The following MEGF9 variants were observed in gnomAD, a reference collection of about 807,000 sequenced individuals.
MEGF9 encodes multiple epidermal growth factor-like domains protein 9.
A neutral mutation model predicts 46.8 loss-of-function variants in MEGF9; 6 were observed. That is an observed-to-expected ratio of 0.13 (90% CI 0.07 to 0.25). MEGF9 has a LOEUF of 0.25. Among genes scored for constraint, MEGF9 ranks in the 10% least tolerant of loss-of-function variants. MEGF9 has a pLI of 1.00. For missense variants in MEGF9, 683 were observed against 792.4 expected (o/e 0.86, Z 1.66); for synonymous variants, 302 against 330.7 (o/e 0.91, Z 0.94).
At chr9:120,682,607 G>GA (rs2043803709) in intron 1 of MEGF9, among the ~76,000 whole-genome samples, 1 of 151,920 alleles carries the variant, frequency 6.6e-6, no homozygotes, top group South Asian at 2.1e-4. Context: ...ACATATATTT[G>GA]AAACAGGGTC....
chr9:120,637,341 A>G (rs567036383), intron 2 of MEGF9, among the ~76,000 whole-genome samples: 1 of 152,244 alleles, frequency 6.6e-6, no homozygotes, highest in South Asian at 2.1e-4. Context: ...TCACATGTTT[A>G]TCTGCTGACC....
At chr9:120,708,043 TCAAACAAACAAA>T (rs372901746) in intron 1 of MEGF9, among the ~76,000 whole-genome samples, 1 of 149,312 alleles carries the variant, frequency 6.7e-6, no homozygotes, top group Non-Finnish European at 1.5e-5. Context: ...AGACTCTGTC[TCAAACAAACAAA>T]CAAACAAACA....
chr9:120,628,468 GTTTTTTTTTT>G (rs1170322238), intron 2 of MEGF9, among the ~76,000 whole-genome samples: 13 of 69,064 alleles, frequency 1.9e-4, no homozygotes, highest in East Asian at 4.6e-4. Context: ...TCTTGTCGTT[GTTTTTTTTTT>G]TTTTTTTTTT....
At chr9:120,616,070 G>A (rs1038899134) in intron 3 of MEGF9, among the ~76,000 whole-genome samples, 6 of 151,988 alleles carry the variant, frequency 3.9e-5, no homozygotes, top group Non-Finnish European at 7.4e-5. Flanking sequence ...GTCGTGAGAG[G>A]CAATAGCCCT....
chr9:120,695,471 G>A (rs1017626233), intron 1 of MEGF9, among the ~76,000 whole-genome samples: 1 of 151,736 alleles, frequency 6.6e-6, no homozygotes, highest in South Asian at 2.1e-4. Context: ...TGGGAGTGGT[G>A]GTGGGTGCCT....
chr9:120,613,357 G>A (rs1244384432), intron 3 of MEGF9, among the ~76,000 whole-genome samples: 1 of 151,526 alleles, frequency 6.6e-6, no homozygotes, highest in Non-Finnish European at 1.5e-5. Flanking sequence ...TGTGGAGGGA[G>A]GGGGGTAAAA....
At chr9:120,668,236 G>T (rs1469406977) in intron 1 of MEGF9, among the ~76,000 whole-genome samples, 1 of 152,122 alleles carries the variant, frequency 6.6e-6, no homozygotes, top group Non-Finnish European at 1.5e-5. Context: ...TTACTCTAGA[G>T]TAACATTAAT....
At chr9:120,629,535 G>A (rs998729370) in intron 2 of MEGF9, among the ~76,000 whole-genome samples, 2 of 152,222 alleles carry the variant, frequency 1.3e-5, no homozygotes, top group African/African-American at 4.8e-5. Flanking sequence ...CTACTCGGGA[G>A]GCTGAGGCAT....
At chr9:120,627,060 A>T (rs954774373) in intron 2 of MEGF9, among the ~76,000 whole-genome samples, 3 of 152,228 alleles carry the variant, frequency 2.0e-5, no homozygotes, top group Admixed American at 6.5e-5. Flanking sequence ...AAGTAATTTA[A>T]AATTTTAGAA....
intron 1 of MEGF9, among the ~76,000 whole-genome samples, chr9:120,708,567 T>C (rs894064745): frequency 6.6e-6 from 1 of 152,218 alleles, no homozygotes; most frequent in African/African-American, 2.4e-5. Context: ...GCAGACCAAA[T>C]CATCACAGAA....
intron 1 of MEGF9, among the ~76,000 whole-genome samples, chr9:120,680,711 T>C (rs1371517880): frequency 6.6e-6 from 1 of 152,150 alleles, no homozygotes; most frequent in Non-Finnish European, 1.5e-5. Flanking sequence ...GTTTACCTGA[T>C]GTTCTATTCT....
chr9:120,648,722 ATCT>A (rs1388993347), intron 2 of MEGF9, among the ~76,000 whole-genome samples: 1 of 152,214 alleles, frequency 6.6e-6, no homozygotes, highest in Non-Finnish European at 1.5e-5. Context: ...CTTTTTCTCA[ATCT>A]TCCAGAAGTA....
chr9:120,659,325 TCC>T, intron 2 of MEGF9, 47 bp downstream of exon 2: 1 of 1,538,360 alleles, frequency 6.5e-7, no homozygotes, highest in African/African-American at 1.4e-5. Flanking sequence ...GCCTTTTTTT[TCC>T]CCTTGCTAAA....
chr9:120,701,020 G>T (rs1297676101), intron 1 of MEGF9, among the ~76,000 whole-genome samples: 1 of 151,804 alleles, frequency 6.6e-6, no homozygotes, highest in East Asian at 1.9e-4. Flanking sequence ...TTGGGAGGCT[G>T]AGGTGAGTGG....
intron 1 of MEGF9, among the ~76,000 whole-genome samples, chr9:120,676,881 GT>G (rs2043775487): frequency 6.6e-6 from 1 of 152,158 alleles, no homozygotes; most frequent in South Asian, 2.1e-4. Context: ...GCAAGTCCCA[GT>G]TTATTAAGAG....
chr9:120,638,046 GCAGTGATGCGAT>G (rs1221925094), intron 2 of MEGF9, among the ~76,000 whole-genome samples: 2 of 151,804 alleles, frequency 1.3e-5, no homozygotes, highest in Non-Finnish European at 2.9e-5. Context: ...AGACTGAAGT[GCAGTGATGCGAT>G]CACAGCTCAC....
At chr9:120,691,115 C>T (rs2043846112) in intron 1 of MEGF9, among the ~76,000 whole-genome samples, 2 of 152,032 alleles carry the variant, frequency 1.3e-5, no homozygotes, top group Middle Eastern at 3.4e-3. Context: ...ATTTATGTTG[C>T]CAGTTTTCAT....
intron 1 of MEGF9, among the ~76,000 whole-genome samples, chr9:120,685,035 C>T (rs1020295208): frequency 2.0e-5 from 3 of 152,154 alleles, no homozygotes. Flanking sequence ...AGGATTTCAC[C>T]GTGTTAGCCA....
At chr9:120,686,483 T>A (rs1390374481) in intron 1 of MEGF9, among the ~76,000 whole-genome samples, 1 of 152,246 alleles carries the variant, frequency 6.6e-6, no homozygotes, top group East Asian at 1.9e-4. Flanking sequence ...ACTGTACACT[T>A]AAAAATGGTT....
Sources: allele counts gnomAD v4.1 joint callset (sites outside exome capture counted in the v4.1 genomes callset), GRCh38; gene constraint gnomAD v4.1.1; transcripts MANE v1.5; gene names NCBI Gene and HGNC (gene_info 2026-07-23, HGNC 2026-07-21).